Variants in SPECC1L observed in about 807,000 individuals in gnomAD.
The protein encoded by SPECC1L is sperm antigen with calponin homology and coiled-coil domains 1 like.
In SPECC1L, 40 loss-of-function variants were observed where a neutral mutation model predicts 116.8. That is an observed-to-expected ratio of 0.34 (90% confidence interval 0.27 to 0.45). SPECC1L has a LOEUF of 0.45. Ranked by LOEUF, SPECC1L falls within the 20% of genes least tolerant of loss-of-function variation. The pLI is 1.00. For missense variants in SPECC1L, 1,110 were observed against 1,373.6 expected (o/e 0.81, Z 3.03); for synonymous variants, 504 against 500.6 (o/e 1.01, Z -0.09).
chr22:24,404,100 G>A (rs936459262), intron 14 of SPECC1L, among the ~76,000 whole-genome samples: 1 of 152,160 alleles, frequency 6.6e-6, no homozygotes, highest in African/African-American at 2.4e-5. Context: ...TGACCACTCT[G>A]TCCTGTTTTA....
rs185070348 is a variant in SPECC1L, at chr22:24,277,631, A to C, written c.-38+828A>C. 4.3e-3 allele frequency among the ~76,000 whole-genome samples: 662 copies of C among 152,314 alleles called. 8 individuals carry two copies. The highest frequency in any genetic ancestry group is 6.8e-3 in the Middle Eastern group (2 of 294). The stretch of plus-strand genomic sequence containing the variant: ...TTTTATGTAAATGGCATCATACAAC[A>C]TGTGACCTTTTGTTTGGCTTTTTTC... On this transcript the variant is annotated intron_variant, in intron 2 of 16. Coordinates refer to ENST00000314328, the MANE Select transcript of SPECC1L (RefSeq NM_015330.6).
intron 3 of SPECC1L, among the ~76,000 whole-genome samples, chr22:24,306,984 C>T (rs918741128): frequency 1.3e-5 from 2 of 152,124 alleles, no homozygotes; most frequent in African/African-American, 2.4e-5. Context: ...GTCAGAATTC[C>T]TTCCGTTTTT....
chr22:24,341,884 T>A (rs2041183355), intron 10 of SPECC1L, among the ~76,000 whole-genome samples: 2 of 152,198 alleles, frequency 1.3e-5, no homozygotes, highest in Non-Finnish European at 1.5e-5. Flanking sequence ...GAACAGATCT[T>A]CTGAAGCTTG....
intron 2 of SPECC1L, among the ~76,000 whole-genome samples, chr22:24,286,982 C>T (rs1425150039): frequency 6.6e-6 from 1 of 152,108 alleles, no homozygotes; most frequent in African/African-American, 2.4e-5. Flanking sequence ...TCTAAGTATA[C>T]CCTAAATGTT....
At chr22:24,373,483 C>A (rs2041910188) in intron 14 of SPECC1L, among the ~76,000 whole-genome samples, 2 of 151,530 alleles carry the variant, frequency 1.3e-5, no homozygotes, top group South Asian at 4.2e-4. Flanking sequence ...TATCTACAAC[C>A]ATCTGATCTT....
chr22:24,326,427 G>A (rs2040822932), intron 6 of SPECC1L, among the ~76,000 whole-genome samples: 1 of 152,180 alleles, frequency 6.6e-6, no homozygotes, highest in African/African-American at 2.4e-5. Context: ...AGCCATCCTT[G>A]CCTCCAGAGA....
At position 24,296,368 on chromosome 22, in the gene SPECC1L, T is replaced by TTTTGGTGTTTTTAAGAAACACTG. The variant is rs1374460692; in HGVS notation, c.-37-5822_-37-5800dup. On this transcript the variant is annotated intron_variant, in intron 2 of 16. Transcript: ENST00000314328. ...GTTATTTTTGGGAGCAGTGCATCTA[T>TTTTGGTGTTTTTAAGAAACACTG]TTTGGTGTTTTTAAGAAACACTGTT... Among the ~76,000 whole-genome samples the TTTTGGTGTTTTTAAGAAACACTG allele has an allele frequency of 3.9e-5, 6 of 152,332 alleles. No homozygotes were observed. In the East Asian group the frequency reaches 1.2e-3, roughly 29 times the overall value.
At chr22:24,274,023 G>A (rs2048783378) in intron 1 of SPECC1L, among the ~76,000 whole-genome samples, 1 of 152,194 alleles carries the variant, frequency 6.6e-6, no homozygotes, top group Non-Finnish European at 1.5e-5. Flanking sequence ...CTCCCAAAGT[G>A]CTGAGATTAC....
Position 24,321,811 on chromosome 22 carries a change from C to T in SPECC1L, c.831C>T (p.Ser277=), listed in dbSNP as rs975206685. 1.9e-6 allele frequency: 3 copies of T among 1,614,172 alleles called. No individual in the cohort carries two copies. Among genetic ancestry groups the T allele is most frequent in the Admixed American group, 3.3e-5 (2 of 60,022 alleles). ...ACAGGTTGAATGCATTGGGCTTTTC[C>T]CTAGAGCAGAGGTTAGACAATTCTG... ...LKDRLNALGF[S]LEQRLDNSEK... The change falls in exon 5 of 17, where the codon TCC becomes TCT. Residue 277 remains serine (S), a synonymous_variant. Coordinates refer to ENST00000314328, the MANE Select transcript of SPECC1L (RefSeq NM_015330.6).
intron 14 of SPECC1L, among the ~76,000 whole-genome samples, chr22:24,384,197 A>G (rs1364612093): frequency 1.3e-5 from 2 of 152,178 alleles, no homozygotes; most frequent in Admixed American, 6.5e-5. Context: ...TAGGAGTGTC[A>G]TAAGTGCTAA....
chr22:24,365,572 A>G lies in SPECC1L; in HGVS notation c.2924A>G (p.Gln975Arg). The change falls in exon 13 of 17, where the codon CAG (glutamine) becomes CGG (arginine). Residue 975 changes from glutamine to arginine, a missense_variant. By Grantham distance (43) the Gln-to-Arg change is conservative (BLOSUM62 1). Around this residue, in one of 4 missense-constraint regions of SPECC1L, gnomAD observed 575 missense variants for 682.4 expected, o/e 0.84. Coordinates refer to ENST00000314328, the MANE Select transcript of SPECC1L (RefSeq NM_015330.6). ...SLMAMGTTSP[Q>R]LSLSSSPTAS... Reference sequence around the variant, plus strand: ...ATGGCTATGGGAACCACGTCTCCACAGCTTTCCCTGTCCTCTTCTCCAACG... The same window carrying G: ...ATGGCTATGGGAACCACGTCTCCACGGCTTTCCCTGTCCTCTTCTCCAACG... 6.2e-7 allele frequency: 1 copy of G among 1,614,186 alleles called. No individual in the cohort carries two copies. The highest frequency in any genetic ancestry group is 8.5e-7 in the Non-Finnish European group (1 of 1,180,024).
intron 9 of SPECC1L, among the ~76,000 whole-genome samples, chr22:24,336,452 T>C (rs567256838): frequency 2.0e-4 from 30 of 152,182 alleles, no homozygotes; most frequent in African/African-American, 6.5e-4. Context: ...CTTTAAAATA[T>C]ATATGCTTTG....
chr22:24,303,415 C>T (rs1282335633), intron 3 of SPECC1L, among the ~76,000 whole-genome samples: 1 of 152,208 alleles, frequency 6.6e-6, no homozygotes, highest in South Asian at 2.1e-4. Flanking sequence ...TCCATTGTCT[C>T]AGTGAACACA....
chr22:24,289,809 T>G (rs367650362), intron 2 of SPECC1L, among the ~76,000 whole-genome samples: 5 of 152,128 alleles, frequency 3.3e-5, no homozygotes, highest in South Asian at 2.1e-4. Flanking sequence ...TCTGTCCACG[T>G]GGGGTTATTA....
Position 24,322,134 on chromosome 22 carries a change from G to C in SPECC1L, c.1154G>C (p.Ser385Thr), listed in dbSNP as rs930899878. ...ATAGAGCGCTCCCGGAAGGGGAGCA[G>C]CGGGAATGCCAGTGAAGTGTCCGTG... ...PSIERSRKGS[S>T]GNASEVSVAC... The change falls in exon 5 of 17, where the codon AGC becomes ACC. Residue 385 changes from serine to threonine, a missense_variant. Ser to Thr is a moderately conservative substitution (Grantham distance 58, BLOSUM62 1). This residue lies in a region of SPECC1L where 437 missense variants were observed against 482.6 expected (regional missense o/e 0.91). Transcript: ENST00000314328. 1 of 1,613,912 alleles carries C rather than the reference G, an allele frequency of 6.2e-7. No individual in the cohort carries two copies. The highest frequency in any genetic ancestry group is 1.3e-5 in the African/African-American group (1 of 74,948).
chr22:24,322,321 G>T lies in SPECC1L; in HGVS notation c.1341G>T (p.Glu447Asp), dbSNP rs755829276. The change falls in exon 5 of 17, where the codon GAG becomes GAT. Residue 447 changes from glutamate to aspartate, a missense_variant. This residue lies in a region of SPECC1L where 575 missense variants were observed against 682.4 expected (regional missense o/e 0.84). Coordinates refer to ENST00000314328, the MANE Select transcript of SPECC1L (RefSeq NM_015330.6). ...RLGEEKVILMESLCQQSDKLE... is the reference protein window; with the variant it reads ...RLGEEKVILMDSLCQQSDKLE... ...GAGAAGAGAAGGTTATTCTGATGGA[G>T]TCTTTATGTCAGCAGAGCGATAAGT... 1.2e-6 allele frequency: 2 copies of T among 1,614,222 alleles called. No homozygotes were observed. The highest frequency in any genetic ancestry group is 3.3e-5 in the Admixed American group (2 of 60,032).
At chr22:24,391,831 T>G (rs377533913) in intron 14 of SPECC1L, among the ~76,000 whole-genome samples, 22 of 152,226 alleles carry the variant, frequency 1.4e-4, no homozygotes, top group African/African-American at 5.3e-4. Flanking sequence ...TCTTGCATTC[T>G]TTTTCCATTT....
At chr22:24,379,401 A>T (rs1479636993) in intron 14 of SPECC1L, among the ~76,000 whole-genome samples, 1 of 151,490 alleles carries the variant, frequency 6.6e-6, no homozygotes, top group Non-Finnish European at 1.5e-5. Context: ...AAAAAAAAAA[A>T]TTTACTTCCT....
At position 24,370,403 on chromosome 22, in the gene SPECC1L, A is replaced by AT. The variant is rs762782989; in HGVS notation, c.3087+1083_3087+1084insT. ...AAAAAGAATCTCCATGCCAGCTTCC[A>AT]CTGGCTAACAAAGGAGATAAGTAGT... On this transcript the variant is annotated intron_variant, in intron 14 of 16. Transcript: ENST00000314328. 7.7e-3 allele frequency among the ~76,000 whole-genome samples: 1,179 copies of AT among 152,378 alleles called. 9 individuals carry two copies. Among genetic ancestry groups the AT allele is most frequent in the South Asian group, 0.024 (117 of 4,834 alleles).
Sources: allele counts gnomAD v4.1 joint callset (sites outside exome capture counted in the v4.1 genomes callset), GRCh38; gene constraint gnomAD v4.1.1; regional missense constraint gnomAD v4.1.1; transcripts MANE v1.5; gene names NCBI Gene and HGNC (gene_info 2026-07-23, HGNC 2026-07-21).